The following KCNMA1 variants were observed in gnomAD, a reference collection of about 807,000 sequenced individuals.
KCNMA1 encodes the protein Calcium-activated potassium channel subunit alpha-1.
In KCNMA1, 29 loss-of-function variants were observed where a neutral mutation model predicts 140.0. The ratio of observed to expected loss-of-function variants is 0.21; its 90% CI spans 0.15 to 0.28. The LOEUF is 0.28. Ranked by LOEUF, KCNMA1 falls within the 10% of genes least tolerant of loss-of-function variation. The pLI is 1.00. For synonymous variants in KCNMA1, 612 were observed against 611.9 expected (o/e 1.00, Z 0.00); for missense variants, 880 against 1,602.2 (o/e 0.55, Z 7.70).
chr10:77,606,343 C>T (rs2084507650), intron 1 of KCNMA1, among the ~76,000 whole-genome samples: 1 of 152,182 alleles, frequency 6.6e-6, no homozygotes, highest in Non-Finnish European at 1.5e-5. Flanking sequence ...CTCAAAAAGG[C>T]ATCTTTGGCC....
chr10:77,139,929 C>T, intron 5 of KCNMA1, among the ~76,000 whole-genome samples: 1 of 152,260 alleles, frequency 6.6e-6, no homozygotes, highest in South Asian at 2.1e-4. Flanking sequence ...GGTCCAAATG[C>T]CTCTTCCAAA....
At chr10:77,629,880 T>G (rs2092984297) in intron 1 of KCNMA1, among the ~76,000 whole-genome samples, 2 of 152,242 alleles carry the variant, frequency 1.3e-5, no homozygotes, top group African/African-American at 4.8e-5. Context: ...TTCTTCATTC[T>G]GCCTGCTGCA....
chr10:76,906,680 CCT>C (rs1241124657), intron 25 of KCNMA1, among the ~76,000 whole-genome samples: 1 of 152,186 alleles, frequency 6.6e-6, no homozygotes, highest in Non-Finnish European at 1.5e-5. Context: ...TGAAAGTTTA[CCT>C]CTGTCTCCTG....
chr10:77,409,618 C>G (rs1225082205), intron 1 of KCNMA1, among the ~76,000 whole-genome samples: 1 of 152,186 alleles, frequency 6.6e-6, no homozygotes, highest in Non-Finnish European at 1.5e-5. Context: ...AAGGGCTAAT[C>G]CTGCTTGTCT....
intron 27 of KCNMA1, chr10:76,887,925 A>G (rs952876617): frequency 3.8e-6 from 1 of 261,998 alleles, no homozygotes; most frequent in African/African-American, 2.2e-5. Flanking sequence ...GTTTACCATG[A>G]CAGAGTGTCT....
chr10:77,095,096 T>C (rs2096899374), intron 9 of KCNMA1, among the ~76,000 whole-genome samples: 1 of 152,160 alleles, frequency 6.6e-6, no homozygotes, highest in Admixed American at 6.5e-5. Flanking sequence ...CCATTTACAA[T>C]GGGGAATATT....
intron 2 of KCNMA1, among the ~76,000 whole-genome samples, chr10:77,310,529 A>T (rs548129994): frequency 6.6e-6 from 1 of 152,302 alleles, no homozygotes; most frequent in African/African-American, 2.4e-5. Flanking sequence ...CAGTTATGTG[A>T]CTTGTTCAAG....
At chr10:77,018,050 C>T (rs1158657989) in intron 17 of KCNMA1, among the ~76,000 whole-genome samples, 1 of 152,114 alleles carries the variant, frequency 6.6e-6, no homozygotes, top group Non-Finnish European at 1.5e-5. Context: ...ACTTATGTGC[C>T]TCATGGCCTT....
At chr10:76,941,121 A>AGGG (rs2062134518) in intron 23 of KCNMA1, among the ~76,000 whole-genome samples, 3 of 53,310 alleles carry the variant, frequency 5.6e-5, no homozygotes, top group African/African-American at 1.1e-4. Flanking sequence ...GGAGGGAGGG[A>AGGG]AGGGAAGGGA....
chr10:77,313,150 G>A (rs1195623801), intron 2 of KCNMA1, among the ~76,000 whole-genome samples: 3 of 152,204 alleles, frequency 2.0e-5, no homozygotes, highest in East Asian at 1.9e-4. Flanking sequence ...TCTCTGGCTC[G>A]GAAATGGTTA....
At chr10:77,249,533 C>T (rs1191772507) in intron 3 of KCNMA1, 1 of 152,152 alleles carries the variant, frequency 6.6e-6, no homozygotes, top group East Asian at 1.9e-4. Context: ...CTGGCTGAGG[C>T]ATCTGGACTT....
At chr10:76,951,844 C>T (rs1015807162) in intron 21 of KCNMA1, among the ~76,000 whole-genome samples, 15 of 151,950 alleles carry the variant, frequency 9.9e-5, no homozygotes, top group Admixed American at 5.9e-4. Flanking sequence ...TCCCCCAGCC[C>T]CACCCTGCTA....
chr10:77,409,969 C>T (rs1232568285), intron 1 of KCNMA1, among the ~76,000 whole-genome samples: 1 of 152,200 alleles, frequency 6.6e-6, no homozygotes, highest in East Asian at 1.9e-4. Flanking sequence ...AATCTGGTAA[C>T]AGAGCATTGC....
intron 25 of KCNMA1, among the ~76,000 whole-genome samples, chr10:76,897,798 TTATG>T (rs1321035292): frequency 2.0e-5 from 3 of 151,998 alleles, no homozygotes; most frequent in African/African-American, 7.2e-5. Context: ...ATTGCTAAAA[TTATG>T]TTTTAAAGTT....
At chr10:77,004,421 T>C (rs1458227755) in intron 18 of KCNMA1, among the ~76,000 whole-genome samples, 15 of 152,298 alleles carry the variant, frequency 9.8e-5, no homozygotes, top group Non-Finnish European at 1.0e-4. Context: ...TCCATTTCCA[T>C]TGACTCCCTG....
At chr10:77,578,631 CAAAG>C (rs371845127) in intron 1 of KCNMA1, among the ~76,000 whole-genome samples, 158 of 152,258 alleles carry the variant, frequency 1.0e-3, no homozygotes, top group African/African-American at 3.6e-3. Flanking sequence ...CTGAAGAGGA[CAAAG>C]AAAGAGATCT....
chr10:76,977,340 G>A (rs2077932089), intron 19 of KCNMA1, among the ~76,000 whole-genome samples: 1 of 152,048 alleles, frequency 6.6e-6, no homozygotes, highest in African/African-American at 2.4e-5. Context: ...AGTCATTGGG[G>A]AAACAAAATC....
intron 3 of KCNMA1, among the ~76,000 whole-genome samples, chr10:77,248,050 A>T (rs180869646): frequency 1.6e-3 from 247 of 152,294 alleles, no homozygotes; most frequent in African/African-American, 5.7e-3. Context: ...AAAGGTGTGC[A>T]GCTGTCTTTG....
At chr10:77,107,457 G>A (rs757596055) in intron 9 of KCNMA1, among the ~76,000 whole-genome samples, 2 of 152,102 alleles carry the variant, frequency 1.3e-5, no homozygotes, top group South Asian at 2.1e-4. Flanking sequence ...AACAAACAAA[G>A]GTGACTACTC....
Sources: gnomAD v4.1 joint callset for allele counts (sites outside exome capture counted in the v4.1 genomes callset) on GRCh38, gnomAD v4.1.1 for gene constraint, MANE v1.5 for transcripts, NCBI Gene and HGNC (gene_info 2026-07-23, HGNC 2026-07-21) for gene names.